NFIB: variants seen among roughly 807,000 people sequenced by gnomAD.
NFIB encodes nuclear factor I B.
A neutral mutation model predicts 61.5 loss-of-function variants in NFIB; 11 were observed. The ratio of observed to expected loss-of-function variants is 0.18; its 90% CI spans 0.11 to 0.30. The LOEUF is 0.30. Ranked by LOEUF, NFIB falls within the 10% of genes least tolerant of loss-of-function variation. The pLI is 1.00. For missense variants in NFIB, 471 were observed against 608.9 expected, an observed-to-expected ratio of 0.77 and a Z score of 2.38; for synonymous variants, 260 against 216.5, an observed-to-expected ratio of 1.20 and a Z score of -1.76.
chr9:14,377,677 A>G (rs2061435649), intron 1 of NFIB, among the ~76,000 whole-genome samples: 1 of 152,180 alleles, frequency 6.6e-6, no homozygotes, highest in South Asian at 2.1e-4. Context: ...TAGGGCTTAT[A>G]AAGGAAAATT....
chr9:14,376,974 A>G (rs1351976254), intron 1 of NFIB, among the ~76,000 whole-genome samples: 1 of 152,200 alleles, frequency 6.6e-6, no homozygotes, highest in African/African-American at 2.4e-5. Flanking sequence ...GAGAAATAAA[A>G]TATACTCAAG....
intron 5 of NFIB, among the ~76,000 whole-genome samples, chr9:14,148,138 T>C (rs1187338150): frequency 6.6e-6 from 1 of 152,144 alleles, no homozygotes; most frequent in African/African-American, 2.4e-5. Flanking sequence ...TTTGTTTGTT[T>C]TTGAGACAGG....
At chr9:14,112,301 T>C (rs914374348) in intron 10 of NFIB, among the ~76,000 whole-genome samples, 2 of 152,242 alleles carry the variant, frequency 1.3e-5, no homozygotes, top group Non-Finnish European at 2.9e-5. Context: ...TGGTCCATGC[T>C]TTTGACTGTG....
chr9:14,090,093 A>C (rs181636314), intron 10 of NFIB, among the ~76,000 whole-genome samples: 31 of 152,236 alleles, frequency 2.0e-4, no homozygotes, highest in Admixed American at 1.8e-3. Context: ...TATTTTCAAA[A>C]GCTGTCACCC....
chr9:14,104,060 G>A (rs998389228), intron 10 of NFIB, among the ~76,000 whole-genome samples: 2 of 152,030 alleles, frequency 1.3e-5, no homozygotes, highest in Non-Finnish European at 2.9e-5. Flanking sequence ...TGGGATTACA[G>A]GAGTGTGCCA....
intron 10 of NFIB, among the ~76,000 whole-genome samples, chr9:14,098,862 A>T (rs757707607): frequency 6.6e-6 from 1 of 152,256 alleles, no homozygotes; most frequent in South Asian, 2.1e-4. Context: ...TCAAAACAAC[A>T]AAACATCTTC....
At chr9:14,383,902 G>T (rs796929284) in intron 1 of NFIB, among the ~76,000 whole-genome samples, 2 of 152,178 alleles carry the variant, frequency 1.3e-5, no homozygotes, top group Admixed American at 6.5e-5. Flanking sequence ...CTGCAAGAGC[G>T]CCATGGAAGA....
chr9:14,511,952 G>A, the NFIB span, among the ~76,000 whole-genome samples: 14 of 152,088 alleles, frequency 9.2e-5, no homozygotes, highest in Non-Finnish European at 1.8e-4. Flanking sequence ...TAAGTTAATT[G>A]TGGCAAACCG....
At chr9:14,136,308 G>A (rs907548472) in intron 6 of NFIB, among the ~76,000 whole-genome samples, 8 of 152,088 alleles carry the variant, frequency 5.3e-5, no homozygotes, top group African/African-American at 1.9e-4. Flanking sequence ...CAATTATGCA[G>A]GACTTGGAGC....
At chr9:14,179,883 G>T (rs2046572980) in intron 2 of NFIB, 103 bp from the exon 3 acceptor site, 11 of 1,067,464 alleles carry the variant, frequency 1.0e-5, no homozygotes, top group Non-Finnish European at 1.2e-5. Context: ...TAAAAATGAA[G>T]TTGAGTGCTT....
chr9:14,095,962 AC>A (rs2034714375), intron 10 of NFIB, among the ~76,000 whole-genome samples: 1 of 152,112 alleles, frequency 6.6e-6, no homozygotes, highest in South Asian at 2.1e-4. Context: ...CAATTACTTG[AC>A]CTTAAGATTT....
the NFIB span, among the ~76,000 whole-genome samples, chr9:14,454,122 A>G: frequency 7.9e-5 from 12 of 152,356 alleles, no homozygotes; most frequent in African/African-American, 2.6e-4. Context: ...TAGGTAGTGT[A>G]AATATGAAGA....
chr9:14,242,216 T>C (rs2054439146), intron 2 of NFIB, among the ~76,000 whole-genome samples: 1 of 152,228 alleles, frequency 6.6e-6, no homozygotes, highest in Non-Finnish European at 1.5e-5. Context: ...ATCTGCACAT[T>C]GAAAGAATTT....
intron 1 of NFIB, among the ~76,000 whole-genome samples, chr9:14,334,644 C>T (rs2060863489): frequency 6.6e-6 from 1 of 152,094 alleles, no homozygotes; most frequent in South Asian, 2.1e-4. Flanking sequence ...CAATTCCACT[C>T]TTTTAATGTT....
chr9:14,468,473 G>T, the NFIB span, among the ~76,000 whole-genome samples: 21 of 152,184 alleles, frequency 1.4e-4, no homozygotes, highest in African/African-American at 5.1e-4. Flanking sequence ...TTGTTAGCTG[G>T]TACCCAGGTT....
At chr9:14,196,130 C>T (rs2048444719) in intron 2 of NFIB, among the ~76,000 whole-genome samples, 1 of 151,880 alleles carries the variant, frequency 6.6e-6, no homozygotes, top group Admixed American at 6.6e-5. Flanking sequence ...CACCTGTTTA[C>T]CTGGATTAGT....
the NFIB span, among the ~76,000 whole-genome samples, chr9:14,494,587 A>G: frequency 2.0e-5 from 3 of 152,162 alleles, no homozygotes; most frequent in African/African-American, 7.2e-5. Context: ...TTTGTCATAG[A>G]GTGTATTTCC....
At chr9:14,091,589 G>C (rs2033914840) in intron 10 of NFIB, among the ~76,000 whole-genome samples, 1 of 151,784 alleles carries the variant, frequency 6.6e-6, no homozygotes, top group African/African-American at 2.4e-5. Flanking sequence ...TAACTGAAAG[G>C]ATTTCAAAAT....
At chr9:14,180,465 T>C (rs2046640660) in intron 2 of NFIB, among the ~76,000 whole-genome samples, 1 of 152,206 alleles carries the variant, frequency 6.6e-6, no homozygotes, top group African/African-American at 2.4e-5. Flanking sequence ...AAGAGATCAA[T>C]GTCGTATATC....
Sources: gnomAD v4.1 joint callset for allele counts (sites outside exome capture counted in the v4.1 genomes callset) on GRCh38, gnomAD v4.1.1 for gene constraint, MANE v1.5 for transcripts, NCBI Gene and HGNC (gene_info 2026-07-23, HGNC 2026-07-21) for gene names.